Variants in ZFAT observed in about 807,000 individuals in gnomAD.
ZFAT encodes zinc finger and AT-hook domain containing.
A neutral mutation model predicts 117.7 loss-of-function variants in ZFAT; 64 were observed. That is an observed-to-expected ratio of 0.54 (90% CI 0.44 to 0.67). ZFAT has a LOEUF of 0.67. Ranked by LOEUF, ZFAT falls within the 30% of genes least tolerant of loss-of-function variation. ZFAT has a pLI of 0.00. For synonymous variants in ZFAT, 679 were observed against 615.0 expected (o/e 1.10, Z -1.54); for missense variants, 1,433 against 1,584.5 (o/e 0.90, Z 1.62).
chr8:134,637,002 C>T (rs1167218731), intron 3 of ZFAT, among the ~76,000 whole-genome samples: 1 of 152,230 alleles, frequency 6.6e-6, no homozygotes, highest in Non-Finnish European at 1.5e-5. Context: ...TGCACTTTGG[C>T]CCACATGGCC....
At chr8:134,542,781 A>G (rs1343707712) in intron 11 of ZFAT, among the ~76,000 whole-genome samples, 2 of 152,142 alleles carry the variant, frequency 1.3e-5, no homozygotes, top group African/African-American at 4.8e-5. Flanking sequence ...GGGCAGGGGA[A>G]GGAGAGCATG....
intron 15 of ZFAT, among the ~76,000 whole-genome samples, chr8:134,494,505 C>A (rs376271011): frequency 6.6e-6 from 1 of 152,178 alleles, no homozygotes; most frequent in Non-Finnish European, 1.5e-5. Flanking sequence ...CTCTTCTCCC[C>A]CTAATTAAGC....
intron 2 of ZFAT, among the ~76,000 whole-genome samples, chr8:134,644,998 C>G (rs11166651): frequency 4.6e-5 from 7 of 151,964 alleles, no homozygotes; most frequent in Admixed American, 2.0e-4. Context: ...TGATCACACA[C>G]ACGCACATGG....
At chr8:134,656,970 C>A (rs1831644621) in intron 2 of ZFAT, among the ~76,000 whole-genome samples, 1 of 152,192 alleles carries the variant, frequency 6.6e-6, no homozygotes, top group Non-Finnish European at 1.5e-5. Context: ...TGACTGTGAA[C>A]CCAAAGGATT....
chr8:134,545,128 A>G (rs755332484), intron 11 of ZFAT, among the ~76,000 whole-genome samples: 7 of 152,246 alleles, frequency 4.6e-5, no homozygotes, highest in Admixed American at 2.0e-4. Flanking sequence ...ACAATGGTAT[A>G]TGTACTGCAA....
At chr8:134,619,513 T>C (rs1328952258) in intron 3 of ZFAT, among the ~76,000 whole-genome samples, 1 of 152,228 alleles carries the variant, frequency 6.6e-6, no homozygotes, top group African/African-American at 2.4e-5. Context: ...TGTGAGTGGC[T>C]TGCCTGTCTA....
At chr8:134,578,888 G>A (rs1825513890) in intron 10 of ZFAT, among the ~76,000 whole-genome samples, 1 of 152,246 alleles carries the variant, frequency 6.6e-6, no homozygotes, top group Non-Finnish European at 1.5e-5. Flanking sequence ...CATTTCCCAA[G>A]ATGGGGTACA....
Position 134,583,874 on chromosome 8 carries a change from T to C in ZFAT, c.2845A>G (p.Lys949Glu). 6.2e-7 allele frequency: 1 copy of C among 1,613,268 alleles called. No homozygotes were observed. The highest frequency in any genetic ancestry group is 1.1e-5 in the South Asian group (1 of 90,694). ...AGTTTGTGACTTTTCAGTGTCCCTT[T>C]TGATTTGAATTTCTTGCCACACATG... ...CDMCGKKFKS[K>E]GTLKSHKLLH... The change falls in exon 10 of 16, where the codon AAA becomes GAA. Residue 949 changes from lysine (K) to glutamate (E), a missense_variant. This residue lies in a region of ZFAT where 503 missense variants were observed against 543.4 expected (regional missense o/e 0.93). Coordinates refer to ENST00000377838, the MANE Select transcript of ZFAT (RefSeq NM_020863.4).
chr8:134,576,992 T>C (rs1309598389), intron 10 of ZFAT, among the ~76,000 whole-genome samples: 1 of 152,196 alleles, frequency 6.6e-6, no homozygotes, highest in African/African-American at 2.4e-5. Context: ...TCCTGTTTGA[T>C]TACATAACAT....
At chr8:134,749,999 C>T in the ZFAT span, among the ~76,000 whole-genome samples, 1,093 of 152,208 alleles carry the variant, frequency 7.2e-3, 13 homozygotes, top group African/African-American at 0.025. Context: ...CAAAAAGTAG[C>T]TTCTCAAATT....
At chr8:134,550,801 C>T (rs113366034) in intron 11 of ZFAT, among the ~76,000 whole-genome samples, 1 of 151,854 alleles carries the variant, frequency 6.6e-6, no homozygotes, top group African/African-American at 2.4e-5. Flanking sequence ...CAAATGGCCC[C>T]TGTTACCACC....
upstream of ZFAT, among the ~76,000 whole-genome samples, chr8:134,717,720 T>C (rs1187517980): frequency 2.0e-5 from 3 of 151,360 alleles, no homozygotes; most frequent in Non-Finnish European, 4.4e-5. Flanking sequence ...TCTCCTGACC[T>C]CGTGATCCGC....
chr8:134,501,400 G>A (rs1161844287), intron 15 of ZFAT, among the ~76,000 whole-genome samples: 1 of 152,104 alleles, frequency 6.6e-6, no homozygotes, highest in Non-Finnish European at 1.5e-5. Flanking sequence ...ACAATGAAGA[G>A]TAACAGAAAA....
the ZFAT span, among the ~76,000 whole-genome samples, chr8:134,789,200 C>T: frequency 6.6e-6 from 1 of 152,112 alleles, no homozygotes; most frequent in African/African-American, 2.4e-5. Flanking sequence ...ACAACATGCA[C>T]CCTTGTCTTC....
chr8:134,790,245 G>T, the ZFAT span, among the ~76,000 whole-genome samples: 3 of 152,120 alleles, frequency 2.0e-5, no homozygotes, highest in Non-Finnish European at 4.4e-5. Flanking sequence ...TGATGTCCTA[G>T]TCTAACCCCC....
At chr8:134,561,419 G>A (rs563027709) in intron 11 of ZFAT, among the ~76,000 whole-genome samples, 7 of 151,966 alleles carry the variant, frequency 4.6e-5, no homozygotes, top group East Asian at 3.9e-4. Flanking sequence ...CCTAGGCACC[G>A]ATTTCCATCA....
At chr8:134,715,003 G>A (rs1411345971), upstream of ZFAT, among the ~76,000 whole-genome samples, 1 of 152,162 alleles carries the variant, frequency 6.6e-6, no homozygotes, top group Non-Finnish European at 1.5e-5. Flanking sequence ...GCATTGATGA[G>A]CGTTTCCTTT....
At position 134,596,326 on chromosome 8, in the gene ZFAT, A is replaced by G. The variant is rs543963392; in HGVS notation, c.2475+4110T>C. Among the ~76,000 whole-genome samples, 22 of 152,330 alleles carry G rather than the reference A, an allele frequency of 1.4e-4. 2 individuals are homozygous for G. In the South Asian group the frequency reaches 3.7e-3, roughly 26 times the overall value. On this transcript the variant is annotated intron_variant, in intron 7 of 15. Coordinates refer to ENST00000377838, the MANE Select transcript of ZFAT (RefSeq NM_020863.4). Reference sequence around the variant, plus strand: ...ACCAAGCAGTCTGCACAGTCCACAGACGTAGAGCCAGAACCCTGTCCTGTA... The same window carrying G: ...ACCAAGCAGTCTGCACAGTCCACAGGCGTAGAGCCAGAACCCTGTCCTGTA...
At position 134,649,007 on chromosome 8, in the gene ZFAT, A is replaced by G. The variant is rs79779014; in HGVS notation, c.196+8554T>C. ...AACATCAGTGTAATATACCATATTA[A>G]TACAACAAATAAGAAAAAAAACCAC... On this transcript the variant is annotated intron_variant, in intron 2 of 15. Coordinates refer to ENST00000377838, the MANE Select transcript of ZFAT (RefSeq NM_020863.4). Among the ~76,000 whole-genome samples the G allele has an allele frequency of 9.2e-5, 14 of 152,258 alleles. No homozygotes were observed. The East Asian group carries it at 2.7e-3, about 29-fold the overall frequency.
Sources: gnomAD v4.1 joint callset for allele counts (sites outside exome capture counted in the v4.1 genomes callset) on GRCh38, gnomAD v4.1.1 for gene constraint, gnomAD v4.1.1 regional missense constraint, MANE v1.5 for transcripts, NCBI Gene and HGNC (gene_info 2026-07-23, HGNC 2026-07-21) for gene names.